The following MROH2A variants were observed in gnomAD, a reference collection of about 807,000 sequenced individuals.
MROH2A encodes the protein maestro heat like repeat family member 2A, also known as maestro heat-like repeat-containing protein family member 2A.
A neutral mutation model predicts 200.4 loss-of-function variants in MROH2A; 174 were observed. The ratio of observed to expected loss-of-function variants is 0.87; its 90% CI spans 0.77 to 0.98. MROH2A has a LOEUF of 0.98. MROH2A is among the 50% of genes least tolerant of loss of function. The pLI is 0.00. For missense variants in MROH2A, 2,045 were observed against 2,139.6 expected, an observed-to-expected ratio of 0.96 and a Z score of 0.87; for synonymous variants, 829 against 840.4, an observed-to-expected ratio of 0.99 and a Z score of 0.23.
intron 3 of MROH2A, among the ~76,000 whole-genome samples, chr2:233,784,280 T>C (rs1701086675): frequency 6.6e-6 from 1 of 152,220 alleles, no homozygotes; most frequent in African/African-American, 2.4e-5. Flanking sequence ...ATTTCCTTCT[T>C]AATTTCTTTA....
chr2:233,804,289 A>G, intron 17 of MROH2A, 97 bp downstream of exon 17: 1 of 1,491,094 alleles, frequency 6.7e-7, no homozygotes. Flanking sequence ...GCTGAGGCTC[A>G]CAGTTGACCC....
Position 233,822,920 on chromosome 2 carries a change from C to T in MROH2A, c.3906C>T (p.Val1302=), listed in dbSNP as rs1276422626. 1 of 1,550,596 alleles carries T rather than the reference C, an allele frequency of 6.4e-7. No individual in the cohort carries two copies. The highest frequency in any genetic ancestry group is 2.4e-5 in the East Asian group (1 of 40,920). The change falls in exon 34 of 42, where the codon GTC becomes GTT. Residue 1302 remains valine (V), a synonymous_variant. Coordinates refer to ENST00000389758, the MANE Select transcript of MROH2A (RefSeq NM_001394639.1). ...IKSMQLLFKR[V]KSQHLAHTLD... The stretch of plus-strand genomic sequence containing the variant: ...CCATGCAGCTCTTGTTCAAGAGAGT[C>T]AAGAGCCAGCACCTGGCACATACCC...
Position 233,807,426 on chromosome 2 carries a change from T to C in MROH2A, c.2056T>C (p.Phe686Leu), listed in dbSNP as rs1482371628. The change falls in exon 20 of 42, where the codon TTT (phenylalanine) becomes CTT (leucine). Residue 686 changes from phenylalanine (F) to leucine (L), a missense_variant. Phe to Leu is a conservative substitution (Grantham distance 22, BLOSUM62 0). Around this residue, in one of 3 missense-constraint regions of MROH2A, gnomAD observed 1,201 missense variants for 1,311.3 expected, o/e 0.92. Coordinates refer to ENST00000389758, the MANE Select transcript of MROH2A (RefSeq NM_001394639.1). This position sits in a 1 kb window ranked among gnomAD's most constrained non-coding sequence, Gnocchi z 4.3. ...SFDSPSLEKG[F>L]LYRALGFTLA... The stretch of plus-strand genomic sequence containing the variant: ...TTCCTCCCTTCTGCCTCTCCAGGGC[T>C]TTCTGTACCGGGCCTTGGGCTTCAC... 1 of 1,550,304 alleles carries C rather than the reference T, an allele frequency of 6.5e-7. No individual in the cohort carries two copies. The highest frequency in any genetic ancestry group is 8.7e-7 in the Non-Finnish European group (1 of 1,146,810).
At chr2:233,798,954 C>T (rs1257330449) in intron 12 of MROH2A, 104 bp downstream of exon 12, 87 of 937,680 alleles carry the variant, frequency 9.3e-5, no homozygotes, top group Non-Finnish European at 1.3e-4. Context: ...ATGGAAAACC[C>T]GGCTTTCCAT....
At chr2:233,819,517 T>TGGTGTGCCCAGATGAGAGG in intron 30 of MROH2A, 48 bp downstream of exon 30, 3 of 1,531,432 alleles carry the variant, frequency 2.0e-6, no homozygotes, top group Non-Finnish European at 2.6e-6. Context: ...TGGGGCTGCC[T>TGGTGTGCCCAGATGAGAGG]GGTGTGCCCA....
At chr2:233,792,073 C>G (rs534624862) in intron 5 of MROH2A, among the ~76,000 whole-genome samples, 1 of 152,240 alleles carries the variant, frequency 6.6e-6, no homozygotes, top group East Asian at 1.9e-4. Context: ...TGCTGTCTCC[C>G]TGCTTCTGTG....
At position 233,795,682 on chromosome 2, in the gene MROH2A, C is replaced by G. The variant is rs753268766; in HGVS notation, c.996C>G (p.Val332=). Residue 332 remains valine, a synonymous_variant, in exon 9 of 42, where the codon GTC becomes GTG. Coordinates refer to ENST00000389758, the MANE Select transcript of MROH2A (RefSeq NM_001394639.1). ...TGAGGCAGATCCTGGAACTGTCAGT[C>G]ACCACCAACACCCCTGTCCCCCAAA... The part of the protein sequence containing the change: ...QVLRQILELS[V]TTNTPVPQMQ... The G allele has an allele frequency of 6.4e-7, 1 of 1,551,112 alleles. No homozygotes were observed. The highest frequency in any genetic ancestry group is 1.2e-5 in the South Asian group (1 of 84,062).
chr2:233,779,861 A>G lies in MROH2A; in HGVS notation c.276+9A>G, dbSNP rs1042460181. 6.5e-7 allele frequency: 1 copy of G among 1,547,822 alleles called. No homozygotes were observed. Among genetic ancestry groups the G allele is most frequent in the Non-Finnish European group, 8.7e-7 (1 of 1,145,994 alleles). On this transcript the variant is annotated intron_variant, in intron 3 of 41. Transcript: ENST00000389758. ...GCCTGCAGGTGCCAGAGGTAGGGCC[A>G]TCTTACCCACTGGGCTCAGCCACCT...
intron 9 of MROH2A, 62 bp downstream of exon 9, chr2:233,795,807 G>A (rs774711400): frequency 5.4e-5 from 83 of 1,550,206 alleles, no homozygotes; most frequent in Non-Finnish European, 6.3e-5. Flanking sequence ...GGAAGCTGGC[G>A]GCGGGAGGTG....
intron 3 of MROH2A, among the ~76,000 whole-genome samples, chr2:233,787,914 A>ATATATATACATATATAT (rs1559437064): frequency 0.1 from 133 of 1,288 alleles, 48 homozygotes; most frequent in African/African-American, 0.23. Context: ...CATATATATT[A>ATATATATACATATATAT]TATATATACA....
At chr2:233,831,653 ACATGC>A (rs556525702) in intron 39 of MROH2A, 113 bp downstream of exon 39, 2 of 1,198,510 alleles carry the variant, frequency 1.7e-6, no homozygotes, top group Admixed American at 5.1e-5. Context: ...TACCTTCCAC[ACATGC>A]CATGTCGAGA....
At position 233,828,932 on chromosome 2, in the gene MROH2A, C is replaced by A. The variant is rs1282816755; in HGVS notation, c.4306C>A (p.Pro1436Thr). ...GGTCTTGCTGGAGAAGTGCCTGGGC[C>A]CCCTGAGGGAGCCCGTGAGCAACAG... ...RKVLLEKCLG[P>T]LREPVSNSVT... is the part of the protein sequence containing the mutation. The change falls in exon 37 of 42, where the codon CCC becomes ACC. Residue 1436 changes from proline to threonine, a missense_variant. This residue lies in a region of MROH2A where 1,201 missense variants were observed against 1,311.3 expected (regional missense o/e 0.92). Coordinates refer to ENST00000389758, the MANE Select transcript of MROH2A (RefSeq NM_001394639.1). The surrounding 1 kb of genome is among the most constrained non-coding windows in gnomAD (Gnocchi z 4.6). 2 of 1,550,354 alleles carry A rather than the reference C, an allele frequency of 1.3e-6. No individual in the cohort carries two copies. The highest frequency in any genetic ancestry group is 1.4e-5 in the African/African-American group (1 of 73,038).
chr2:233,815,146 A>G (rs1017266676), intron 26 of MROH2A, among the ~76,000 whole-genome samples: 6 of 152,230 alleles, frequency 3.9e-5, no homozygotes, highest in East Asian at 3.8e-4. Context: ...CAGTGCATCT[A>G]CCTGTCAGGT....
At position 233,796,589 on chromosome 2, in the gene MROH2A, GC is replaced by G. The variant is rs368587277; in HGVS notation, c.1252+278del. 5.9e-3 allele frequency among the ~76,000 whole-genome samples: 903 copies of G among 152,172 alleles called. 15 individuals carry two copies. The highest frequency in any genetic ancestry group is 0.021 in the African/African-American group (865 of 41,498). On this transcript the variant is annotated intron_variant, in intron 11 of 41. Coordinates refer to ENST00000389758, the MANE Select transcript of MROH2A (RefSeq NM_001394639.1). ...AGCTCAATCAGAGGCTGGATATAAG[GC>G]CAAACTACACCACATAGGCATAACT...
chr2:233,785,000 G>A (rs1214407342), intron 3 of MROH2A, among the ~76,000 whole-genome samples: 1 of 152,104 alleles, frequency 6.6e-6, no homozygotes, highest in Non-Finnish European at 1.5e-5. Context: ...ACAAAAATTA[G>A]CCAGGCGTGG....
In MROH2A at chr2:233,819,421, CT is replaced by C. The variant is rs1399217422; in HGVS notation, c.3310del (p.Trp1104GlyfsTer2). On this transcript the variant is annotated frameshift_variant, in exon 30 of 42. Coordinates refer to ENST00000389758, the MANE Select transcript of MROH2A (RefSeq NM_001394639.1). LOFTEE classifies it high-confidence loss of function. Reference protein sequence around the residue: ...NLQHDKASVTWIAFFLQMRAK... With the variant: ...NLQHDKASVTXIAFFLQMRAK... ...TGCAGCATGACAAGGCCTCTGTCAC[CT>C]GGATAGCCTTCTTCCTCCAGATGCG... 4 of 1,550,546 alleles carry C rather than the reference CT, an allele frequency of 2.6e-6. No individual in the cohort carries two copies. The East Asian group carries it at 9.8e-5, about 38-fold the overall frequency.
rs186222302 is a variant in MROH2A, at chr2:233,792,368, A to G, written c.572-428A>G. On this transcript the variant is annotated intron_variant, in intron 5 of 41. Coordinates refer to ENST00000389758, the MANE Select transcript of MROH2A (RefSeq NM_001394639.1). The stretch of plus-strand genomic sequence containing the variant: ...TGCTCTGTCGCCCAGGCTGGAGTGC[A>G]GTGGCGCGATCTCGGCTCACTGCAA... Among the ~76,000 whole-genome samples, 348 of 147,730 alleles carry G rather than the reference A, an allele frequency of 2.4e-3. 3 individuals carry two copies. The highest frequency in any genetic ancestry group is 8.4e-3 in the African/African-American group (331 of 39,588).
chr2:233,779,255 G>A (rs143108784), intron 1 of MROH2A, 90 bp from the exon 2 acceptor site: 1 of 776,834 alleles, frequency 1.3e-6, no homozygotes, highest in East Asian at 2.7e-5. Context: ...ACCCTCAAGG[G>A]GATGGCTTTA....
At chr2:233,783,736 G>T (rs1701061060) in intron 3 of MROH2A, among the ~76,000 whole-genome samples, 4 of 152,022 alleles carry the variant, frequency 2.6e-5, no homozygotes, top group Middle Eastern at 3.4e-3. Flanking sequence ...GGTAGAGACG[G>T]GCCATGTTGG....
Sources: allele counts gnomAD v4.1 joint callset (sites outside exome capture counted in the v4.1 genomes callset), GRCh38; gene constraint gnomAD v4.1.1; regional missense constraint gnomAD v4.1.1; non-coding constraint Gnocchi (gnomAD v3.1); transcripts MANE v1.5; gene names NCBI Gene and HGNC (gene_info 2026-07-23, HGNC 2026-07-21).